The following PIK3C2A variants were observed in gnomAD, a reference collection of about 807,000 sequenced individuals.
PIK3C2A encodes the protein phosphatidylinositol-4-phosphate 3-kinase catalytic subunit type 2 alpha, also known as phosphatidylinositol 4-phosphate 3-kinase C2 domain-containing subunit alpha.
A neutral mutation model predicts 204.5 loss-of-function variants in PIK3C2A; 97 were observed. The ratio of observed to expected loss-of-function variants is 0.47; its 90% CI spans 0.40 to 0.56. The LOEUF is 0.56. PIK3C2A is among the 20% of genes least tolerant of loss of function. PIK3C2A has a pLI of 0.00. For synonymous variants in PIK3C2A, 653 were observed against 664.4 expected (o/e 0.98, Z 0.26); for missense variants, 1,735 against 1,969.2 (o/e 0.88, Z 2.25).
At chr11:17,160,694 T>C (rs1363670082) in intron 2 of PIK3C2A, among the ~76,000 whole-genome samples, 2 of 152,074 alleles carry the variant, frequency 1.3e-5, no homozygotes, top group Non-Finnish European at 2.9e-5. Context: ...TATGATGGCA[T>C]GCCCCTGTAG....
rs961646515 is a variant in PIK3C2A, at chr11:17,086,964, C to T, written c.*2774G>A. 6.6e-6 allele frequency: 1 copy of T among 152,136 alleles called. No individual in the cohort carries two copies. Among genetic ancestry groups the T allele is most frequent in the Non-Finnish European group, 1.5e-5 (1 of 68,012 alleles). 9.4% of individuals were successfully genotyped at this position (152,136 alleles called of 1,614,324 possible). Reference sequence around the variant, plus strand: ...AAAAAAGAAATGATCAAAGATCATACATGCCTTAACATTTAGATACCTATA... The same window carrying T: ...AAAAAAGAAATGATCAAAGATCATATATGCCTTAACATTTAGATACCTATA... On this transcript the variant is annotated 3_prime_UTR_variant, in exon 33 of 33. Coordinates refer to ENST00000691414, the MANE Select transcript of PIK3C2A (RefSeq NM_002645.4).
At chr11:17,195,408 T>C (rs1270240458) in intron 1 of PIK3C2A, among the ~76,000 whole-genome samples, 1 of 148,438 alleles carries the variant, frequency 6.7e-6, no homozygotes, top group Admixed American at 6.7e-5. Flanking sequence ...GAAGATTCTG[T>C]CTCAAAGAAA....
rs1025547464 is a variant in PIK3C2A, at chr11:17,093,650, G to C, written c.4451+611C>G. Reference sequence around the variant, plus strand: ...ATTTAGCATATGACTTTTTTTTTGGGGGGGGGGGACAGGGTCTCATTCTGT... The same window carrying C: ...ATTTAGCATATGACTTTTTTTTTGGCGGGGGGGGACAGGGTCTCATTCTGT... On this transcript the variant is annotated intron_variant, in intron 28 of 32. Coordinates refer to ENST00000691414, the MANE Select transcript of PIK3C2A (RefSeq NM_002645.4). Among the ~76,000 whole-genome samples, 10 of 150,456 alleles carry C rather than the reference G, an allele frequency of 6.6e-5. No individual in the cohort carries two copies. The South Asian group carries it at 1.5e-3, about 22-fold the overall frequency.
intron 3 of PIK3C2A, among the ~76,000 whole-genome samples, chr11:17,152,814 A>G (rs1850463487): frequency 6.6e-6 from 1 of 152,120 alleles, no homozygotes; most frequent in African/African-American, 2.4e-5. Flanking sequence ...ATCATGCAAA[A>G]TCAGAACATA....
chr11:17,123,013 G>A (rs1384430600), intron 13 of PIK3C2A, among the ~76,000 whole-genome samples, 200 bp from the exon 14 acceptor site: 1 of 152,066 alleles, frequency 6.6e-6, no homozygotes, highest in African/African-American at 2.4e-5. Context: ...AATGTAGGGT[G>A]GGAACAAAGA....
intron 27 of PIK3C2A, among the ~76,000 whole-genome samples, chr11:17,096,259 G>GT (rs35360957): frequency 0.21 from 32,465 of 151,980 alleles, 3,789 homozygotes; most frequent in Middle Eastern, 0.33. Flanking sequence ...GGCTGGTCTT[G>GT]AACTCCTGAC....
intron 13 of PIK3C2A, among the ~76,000 whole-genome samples, chr11:17,128,879 T>C (rs1252517985): frequency 6.6e-6 from 1 of 151,994 alleles, no homozygotes; most frequent in Non-Finnish European, 1.5e-5. Flanking sequence ...GTAAAGAGAA[T>C]TAAGGAAGGG....
At position 17,088,692 on chromosome 11, in the gene PIK3C2A, C is replaced by A. The variant is rs777379096; in HGVS notation, c.*1046G>T. ...AGTTTACAAGACAAACTGGTCTACA[C>A]AGACAAAGGTCTATATTAAAGTTCA... On this transcript the variant is annotated 3_prime_UTR_variant, in exon 33 of 33. Transcript: ENST00000691414. 23 of 152,232 alleles carry A rather than the reference C, an allele frequency of 1.5e-4. No individual in the cohort carries two copies. The highest frequency in any genetic ancestry group is 4.6e-4 in the Admixed American group (7 of 15,282). The allele number at this position is 152,232 out of a possible 1,614,324, so 9.4% of individuals were successfully genotyped here. A position where few individuals can be genotyped will look rare whatever the true frequency, so the allele number is the denominator to read the frequency against.
At chr11:17,139,183 G>T (rs925416761) in intron 8 of PIK3C2A, among the ~76,000 whole-genome samples, 2 of 151,682 alleles carry the variant, frequency 1.3e-5, no homozygotes, top group Admixed American at 6.6e-5. Flanking sequence ...CAAGTGCTGG[G>T]ATTACAGGCA....
intron 2 of PIK3C2A, among the ~76,000 whole-genome samples, chr11:17,163,849 C>A (rs1228119553): frequency 6.6e-6 from 1 of 151,082 alleles, no homozygotes; most frequent in Non-Finnish European, 1.5e-5. Flanking sequence ...AGCACCATGA[C>A]TTTCAGGTAT....
At chr11:17,187,488 G>C (rs1272306453) in intron 1 of PIK3C2A, among the ~76,000 whole-genome samples, 1 of 152,092 alleles carries the variant, frequency 6.6e-6, no homozygotes, top group Non-Finnish European at 1.5e-5. Flanking sequence ...CCAAGTTTCA[G>C]AACACTTTCA....
intron 1 of PIK3C2A, among the ~76,000 whole-genome samples, chr11:17,172,372 C>T (rs1851202815): frequency 6.6e-6 from 1 of 152,134 alleles, no homozygotes; most frequent in East Asian, 1.9e-4. Flanking sequence ...ATGAGAGGGG[C>T]CAGCTAACAG....
intron 21 of PIK3C2A, among the ~76,000 whole-genome samples, chr11:17,111,781 G>A (rs1849008141): frequency 6.6e-6 from 1 of 150,650 alleles, no homozygotes; most frequent in African/African-American, 2.4e-5. Flanking sequence ...GGAGGCTGAA[G>A]CAGGAGAACT....
intron 21 of PIK3C2A, among the ~76,000 whole-genome samples, chr11:17,111,170 A>G (rs952023365): frequency 6.6e-6 from 1 of 152,138 alleles, no homozygotes; most frequent in Non-Finnish European, 1.5e-5. Flanking sequence ...AGCCTCCCAA[A>G]GTGCTGGGAT....
chr11:17,100,038 G>A, intron 25 of PIK3C2A, 69 bp from the exon 26 acceptor site: 1 of 762,058 alleles, frequency 1.3e-6, no homozygotes, highest in Non-Finnish European at 2.3e-6. Context: ...TCCTTCCTGT[G>A]GGCTGCTCAA....
At chr11:17,176,595 C>T (rs929116605) in intron 1 of PIK3C2A, among the ~76,000 whole-genome samples, 2 of 151,960 alleles carry the variant, frequency 1.3e-5, no homozygotes, top group South Asian at 2.1e-4. Context: ...TCGAGACCAG[C>T]GTGGGCAACA....
chr11:17,112,508 T>C, intron 21 of PIK3C2A, 66 bp downstream of exon 21: 1 of 712,228 alleles, frequency 1.4e-6, no homozygotes, highest in Admixed American at 2.5e-5. Context: ...TTTGCAATTT[T>C]GGGAAAGTAA....
At chr11:17,115,632 T>C (rs1590924691) in intron 19 of PIK3C2A, 2 of 151,640 alleles carry the variant, frequency 1.3e-5, no homozygotes, top group East Asian at 3.9e-4. Context: ...AACCCATATA[T>C]GTGGTCAACT....
At chr11:17,171,130 C>T (rs1216118552) in intron 1 of PIK3C2A, among the ~76,000 whole-genome samples, 2 of 152,054 alleles carry the variant, frequency 1.3e-5, no homozygotes, top group Non-Finnish European at 2.9e-5. Flanking sequence ...GGTATATGAC[C>T]TTGGGCAAAT....
Sources: gnomAD v4.1 joint callset for allele counts (sites outside exome capture counted in the v4.1 genomes callset) on GRCh38, gnomAD v4.1.1 for gene constraint, MANE v1.5 for transcripts, NCBI Gene and HGNC (gene_info 2026-07-23, HGNC 2026-07-21) for gene names.